Variants in SLC26A5 observed in about 807,000 individuals in gnomAD.
SLC26A5 encodes the protein solute carrier family 26 member 5, also known as prestin.
A neutral mutation model predicts 81.0 loss-of-function variants in SLC26A5; 51 were observed. The ratio of observed to expected loss-of-function variants is 0.63; its 90% CI spans 0.50 to 0.80. SLC26A5 has a LOEUF of 0.80. SLC26A5 is among the 30% of genes least tolerant of loss of function. The pLI, the probability that SLC26A5 is intolerant of heterozygous loss-of-function variation, is 0.00. For synonymous variants in SLC26A5, 325 were observed against 332.8 expected (o/e 0.98, Z 0.25); for missense variants, 771 against 905.8 (o/e 0.85, Z 1.91).
intron 2 of SLC26A5, among the ~76,000 whole-genome samples, chr7:103,432,347 T>A (rs916826168): frequency 1.3e-5 from 2 of 152,280 alleles, no homozygotes; most frequent in African/African-American, 4.8e-5. Context: ...CTGGAATTTC[T>A]ATTTGACATT....
intron 8 of SLC26A5, among the ~76,000 whole-genome samples, chr7:103,401,704 A>G (rs1221581611): frequency 6.6e-6 from 1 of 152,184 alleles, no homozygotes; most frequent in East Asian, 1.9e-4. Context: ...GGTTTGTCAT[A>G]AATAGCTCTT....
At chr7:103,432,376 C>T (rs1826145726) in intron 2 of SLC26A5, among the ~76,000 whole-genome samples, 1 of 152,202 alleles carries the variant, frequency 6.6e-6, no homozygotes, top group Non-Finnish European at 1.5e-5. Flanking sequence ...CTTCTCCTGT[C>T]ATTGTGTGCT....
chr7:103,362,950 C>T (rs1212688040), intron 19 of SLC26A5, among the ~76,000 whole-genome samples: 4 of 151,788 alleles, frequency 2.6e-5, no homozygotes, highest in Admixed American at 1.3e-4. Flanking sequence ...CCCGCCACCA[C>T]GCCCAGCTAA....
intron 2 of SLC26A5, among the ~76,000 whole-genome samples, chr7:103,435,471 A>G (rs1034177736): frequency 1.3e-5 from 2 of 152,212 alleles, no homozygotes; most frequent in Non-Finnish European, 2.9e-5. Flanking sequence ...TCTTCCCTGA[A>G]CGAAATGAAC....
intron 12 of SLC26A5, among the ~76,000 whole-genome samples, chr7:103,389,798 T>A (rs903800626): frequency 2.6e-5 from 4 of 152,088 alleles, no homozygotes; most frequent in African/African-American, 9.7e-5. Context: ...CAGTTAATTT[T>A]TGTATTTCTA....
At chr7:103,412,361 T>C (rs1824552344) in intron 5 of SLC26A5, among the ~76,000 whole-genome samples, 1 of 152,120 alleles carries the variant, frequency 6.6e-6, no homozygotes, top group African/African-American at 2.4e-5. Flanking sequence ...GATTAGGAAC[T>C]TGAAGTACTA....
intron 2 of SLC26A5, chr7:103,433,321 A>G (rs1339157210): frequency 6.6e-6 from 1 of 152,140 alleles, no homozygotes; most frequent in Non-Finnish European, 1.5e-5. Context: ...TTCTTCTGAC[A>G]GTCTTTATTT....
At chr7:103,407,377 G>A (rs1283325892) in intron 8 of SLC26A5, among the ~76,000 whole-genome samples, 1 of 152,046 alleles carries the variant, frequency 6.6e-6, no homozygotes, top group Non-Finnish European at 1.5e-5. Flanking sequence ...AAACAACTAC[G>A]AAGTTGTTAA....
intron 8 of SLC26A5, among the ~76,000 whole-genome samples, chr7:103,406,032 C>T (rs1824020700): frequency 6.6e-6 from 1 of 152,202 alleles, no homozygotes; most frequent in Admixed American, 6.5e-5. Flanking sequence ...CCTCCCCCCA[C>T]CAAGCTCAAG....
At chr7:103,355,871 C>A in intron 19 of SLC26A5, 3 of 942,316 alleles carry the variant, frequency 3.2e-6, no homozygotes, top group Non-Finnish European at 4.7e-6. Context: ...AGGGATAATG[C>A]AATAGTTCAT....
At chr7:103,379,537 T>C (rs566268186) in intron 15 of SLC26A5, among the ~76,000 whole-genome samples, 1 of 151,712 alleles carries the variant, frequency 6.6e-6, no homozygotes, top group East Asian at 1.9e-4. Context: ...TATCTACTCA[T>C]GCTCTGAATG....
At chr7:103,369,325 A>G (rs576128532), downstream of SLC26A5, 1 of 152,336 alleles carries the variant, frequency 6.6e-6, no homozygotes, top group East Asian at 1.9e-4. Context: ...AATAAAATAT[A>G]CTTAAGAAAA....
intron 19 of SLC26A5, among the ~76,000 whole-genome samples, chr7:103,362,977 A>G (rs143877049): frequency 0.048 from 7,323 of 151,858 alleles, 236 homozygotes; most frequent in African/African-American, 0.08. Flanking sequence ...TATTTTTAGT[A>G]GAGACGGTGT....
chr7:103,404,531 G>A (rs964773230), intron 8 of SLC26A5, among the ~76,000 whole-genome samples: 1 of 152,160 alleles, frequency 6.6e-6, no homozygotes, highest in African/African-American at 2.4e-5. Flanking sequence ...TGGCTTGTAG[G>A]GTGTCTGCAG....
At chr7:103,352,741 TTTTC>T (rs1819792297) in exon 20 of SLC26A5, 2 of 736,350 alleles carry the variant, frequency 2.7e-6, no homozygotes, top group Non-Finnish European at 2.5e-6. Context: ...TAGATTCATT[TTTTC>T]TTTATTTCAC....
chr7:103,427,290 T>C (rs1459299525), intron 2 of SLC26A5, among the ~76,000 whole-genome samples: 1 of 152,096 alleles, frequency 6.6e-6, no homozygotes, highest in Admixed American at 6.6e-5. Context: ...TTGGCCAGGC[T>C]GTTCTCAAAC....
chr7:103,424,787 C>G (rs1825600645), intron 2 of SLC26A5, among the ~76,000 whole-genome samples: 4 of 152,146 alleles, frequency 2.6e-5, no homozygotes, highest in Admixed American at 2.6e-4. Flanking sequence ...TTATCACCTA[C>G]AAGGCAGTGG....
At position 103,353,905 on chromosome 7, in the gene SLC26A5, G is replaced by A. The variant is rs374205809; in HGVS notation, c.2042-979C>T. On this transcript the variant is annotated intron_variant, in intron 19 of 19. Coordinates refer to the SLC26A5 transcript ENST00000339444. The stretch of plus-strand genomic sequence containing the variant: ...AGTTTCTTTTTGAATCTCACGTATT[G>A]TCTCTCTTCTTTCAGCTCTGGATGA... 3.1e-6 allele frequency: 5 copies of A among 1,598,448 alleles called. No homozygotes were observed. The East Asian group carries it at 6.7e-5, about 21-fold the overall frequency.
intron 10 of SLC26A5, 40 bp from the exon 11 acceptor site, chr7:103,391,775 T>C (rs2116482999): frequency 1.3e-6 from 2 of 1,533,054 alleles, no homozygotes; most frequent in East Asian, 2.3e-5. Flanking sequence ...AGATAGGTCA[T>C]TCTTCAGGAA....
Sources: gnomAD v4.1 joint callset for allele counts (sites outside exome capture counted in the v4.1 genomes callset) on GRCh38, gnomAD v4.1.1 for gene constraint, MANE v1.5 for transcripts, NCBI Gene and HGNC (gene_info 2026-07-23, HGNC 2026-07-21) for gene names.